Variants in RSF1 observed in about 807,000 individuals in gnomAD.
The protein encoded by RSF1 is HBV pX-associated protein 8.
Under a neutral mutation model 145.2 loss-of-function variants are expected in RSF1, and 13 were observed. That is an observed-to-expected ratio of 0.09 (90% CI 0.06 to 0.14). The LOEUF (loss-of-function observed/expected upper bound fraction) is 0.14, where lower values mean the gene tolerates loss of function less well. RSF1 is among the 10% of genes least tolerant of loss of function. RSF1 has a pLI of 1.00. For missense variants in RSF1, 1,517 were observed against 1,718.2 expected (o/e 0.88, Z 2.07); for synonymous variants, 577 against 592.6 (o/e 0.97, Z 0.38).
chr11:77,866,199 C>T, the RSF1 span, among the ~76,000 whole-genome samples: 1 of 152,158 alleles, frequency 6.6e-6, no homozygotes, highest in Non-Finnish European at 1.5e-5. Flanking sequence ...TCAAGACAGA[C>T]AGGATGCCAT....
At chr11:77,831,694 CTTTT>C in the RSF1 span, among the ~76,000 whole-genome samples, 2 of 135,996 alleles carry the variant, frequency 1.5e-5, no homozygotes, top group Non-Finnish European at 3.2e-5. Context: ...ACTTAGGTAT[CTTTT>C]TTTTTTTTTT....
intron 1 of RSF1, chr11:77,813,428 T>C: frequency 8.3e-7 from 1 of 1,209,830 alleles, no homozygotes; most frequent in Non-Finnish European, 1.2e-6. Flanking sequence ...CGCTTGTGGA[T>C]TCTCATCTGG....
At chr11:77,831,711 T>C in the RSF1 span, among the ~76,000 whole-genome samples, 1 of 147,946 alleles carries the variant, frequency 6.8e-6, no homozygotes, top group Non-Finnish European at 1.5e-5. Context: ...TTTTTTTTTT[T>C]CTGAGACAGG....
the RSF1 span, among the ~76,000 whole-genome samples, chr11:77,844,845 T>G: frequency 2.9e-3 from 436 of 152,348 alleles, 5 homozygotes; most frequent in African/African-American, 0.01. Context: ...ATGATGGAAG[T>G]AGATCCTTCA....
intron 1 of RSF1, among the ~76,000 whole-genome samples, chr11:77,812,441 C>T (rs1948740464): frequency 6.6e-6 from 1 of 152,204 alleles, no homozygotes; most frequent in Admixed American, 6.5e-5. Flanking sequence ...TCAACCTCCA[C>T]TACGAAAGCT....
At chr11:77,812,270 T>C (rs189216445) in intron 1 of RSF1, among the ~76,000 whole-genome samples, 1 of 152,146 alleles carries the variant, frequency 6.6e-6, no homozygotes, top group East Asian at 1.9e-4. Context: ...TTTTTGGTGA[T>C]TATCAAAGAA....
intron 1 of RSF1, among the ~76,000 whole-genome samples, chr11:77,778,340 A>G (rs1372717702): frequency 6.6e-6 from 1 of 151,782 alleles, no homozygotes. Context: ...GTGTTTTACT[A>G]AGACTGGGTC....
chr11:77,854,304 C>T, the RSF1 span, among the ~76,000 whole-genome samples: 1 of 152,128 alleles, frequency 6.6e-6, no homozygotes, highest in Admixed American at 6.5e-5. Context: ...CCTCCAAATT[C>T]TTAACACATT....
At chr11:77,864,282 A>G in the RSF1 span, among the ~76,000 whole-genome samples, 1 of 152,000 alleles carries the variant, frequency 6.6e-6, no homozygotes, top group African/African-American at 2.4e-5. Context: ...CATCTCTACT[A>G]AAAATACAAA....
rs1164513351 is a variant in RSF1 at position 77,702,068 on chromosome 11, T to A, written c.1161A>T (p.Arg387=). ...CAAAATCATCACTCAGTTTAATTTC[T>A]CGTTTTTTTAGTGGTATCTTGGCCT... ...DQQAKIPLKK[R]EIKLSDDFDS... Residue 387 remains arginine (R), a synonymous_variant, in exon 6 of 16, where the codon CGA becomes CGT. Coordinates refer to ENST00000308488, the MANE Select transcript of RSF1 (RefSeq NM_016578.4). The A allele has an allele frequency of 6.2e-7, 1 of 1,612,902 alleles. No homozygotes were observed. Among genetic ancestry groups the A allele is most frequent in the East Asian group, 2.2e-5 (1 of 44,884 alleles).
chr11:77,698,657 G>A lies in RSF1; in HGVS notation c.2545C>T (p.Arg849Trp), dbSNP rs756796570. 2.5e-6 allele frequency: 4 copies of A among 1,614,036 alleles called. No homozygotes were observed. The highest frequency in any genetic ancestry group is 2.2e-5 in the South Asian group (2 of 91,076). Residue 849 changes from arginine to tryptophan, a missense_variant, in exon 7 of 16, where the codon CGG (arginine) becomes TGG (tryptophan). Arg to Trp is a moderately radical substitution (Grantham distance 101, BLOSUM62 -3). This residue lies in a region of RSF1 where 579 missense variants were observed against 553.5 expected (regional missense o/e 1.05). Transcript: ENST00000308488. The part of the protein sequence containing the change: ...PKGKVRWTGS[R>W]TRGRWKYSSN... The stretch of plus-strand genomic sequence containing the variant: ...GAATATTTCCATCTGCCACGTGTCC[G>A]AGAACCAGTCCATCGAACTTTGCCT...
upstream of RSF1, among the ~76,000 whole-genome samples, chr11:77,825,695 T>C (rs1191672974): frequency 6.6e-6 from 1 of 151,848 alleles, no homozygotes; most frequent in Non-Finnish European, 1.5e-5. Context: ...ACCCATTTTT[T>C]TTGTTTTTTT....
upstream of RSF1, among the ~76,000 whole-genome samples, chr11:77,821,490 C>G (rs886098139): frequency 6.6e-6 from 1 of 151,956 alleles, no homozygotes. Flanking sequence ...GCTGGAAAAG[C>G]AGGATCTGAG....
the RSF1 span, among the ~76,000 whole-genome samples, chr11:77,827,237 T>A: frequency 6.6e-6 from 1 of 152,164 alleles, no homozygotes; most frequent in African/African-American, 2.4e-5. Flanking sequence ...TCAATACCAA[T>A]GCTTCACAAA....
At chr11:77,868,349 C>T in the RSF1 span, among the ~76,000 whole-genome samples, 1 of 148,868 alleles carries the variant, frequency 6.7e-6, no homozygotes, top group Non-Finnish European at 1.5e-5. Context: ...GCCACCACGC[C>T]CAGCCGCCTT....
intron 10 of RSF1, among the ~76,000 whole-genome samples, 194 bp from the exon 11 acceptor site, chr11:77,684,013 G>A (rs1054964173): frequency 6.6e-6 from 1 of 152,188 alleles, no homozygotes; most frequent in Admixed American, 6.5e-5. Flanking sequence ...GTGATTAAAG[G>A]ATGAAATCCT....
rs186307040 is a variant in RSF1 at position 77,794,002 on chromosome 11, T to C, written c.187+26526A>G. On this transcript the variant is annotated intron_variant, in intron 1 of 15. Transcript: ENST00000308488. ...AAAGGATATAACAATTCTAAACATA[T>C]ATGCACTCAACACTGGAGCACACAA... is the stretch of plus-strand genomic sequence containing the variant. 7.8e-4 allele frequency among the ~76,000 whole-genome samples: 119 copies of C among 152,166 alleles called. 1 individual carries two copies. The highest frequency in any genetic ancestry group is 2.7e-3 in the African/African-American group (114 of 41,512).
intron 2 of RSF1, among the ~76,000 whole-genome samples, chr11:77,751,836 G>C (rs536716490): frequency 2.6e-5 from 4 of 152,270 alleles, no homozygotes; most frequent in African/African-American, 9.6e-5. Context: ...GATAGTTACT[G>C]AATAAAATCT....
Position 77,662,483 on chromosome 11 carries a change from C to T in RSF1, c.*4434G>A, listed in dbSNP as rs1959253440. 1 of 152,124 alleles carries T rather than the reference C, an allele frequency of 6.6e-6. No homozygotes were observed. The highest frequency in any genetic ancestry group is 6.6e-5 in the Admixed American group (1 of 15,252). The allele number at this position is 152,124 out of a possible 1,614,324, so 9.4% of individuals were successfully genotyped here. Reference sequence around the variant, plus strand: ...TTTTGGCTTATGACTGCTTGCTTGGCAATTACTCTCTTCAACATATTACAG... The same window carrying T: ...TTTTGGCTTATGACTGCTTGCTTGGTAATTACTCTCTTCAACATATTACAG... On this transcript the variant is annotated 3_prime_UTR_variant, in exon 16 of 16. Transcript: ENST00000308488.
Sources: gnomAD v4.1 joint callset for allele counts (sites outside exome capture counted in the v4.1 genomes callset) on GRCh38, gnomAD v4.1.1 for gene constraint, gnomAD v4.1.1 regional missense constraint, MANE v1.5 for transcripts, NCBI Gene and HGNC (gene_info 2026-07-23, HGNC 2026-07-21) for gene names.